The following ABCC9 variants were observed in gnomAD, a reference collection of about 807,000 sequenced individuals.
ABCC9 encodes ATP-binding cassette sub-family C member 9.
ABCC9 carries 95 observed loss-of-function variants against 188.3 expected under a neutral mutation model. The observed-to-expected ratio is 0.50, with a 90% CI of 0.43 to 0.60. The LOEUF (loss-of-function observed/expected upper bound fraction) is 0.60. Ranked by LOEUF, ABCC9 falls within the 20% of genes least tolerant of loss-of-function variation. The pLI is 0.00. For synonymous variants in ABCC9, 659 were observed against 652.7 expected, an observed-to-expected ratio of 1.01 and a Z score of -0.15; for missense variants, 1,102 against 1,876.3, an observed-to-expected ratio of 0.59 and a Z score of 7.62.
intron 4 of ABCC9, among the ~76,000 whole-genome samples, chr12:21,933,468 A>G (rs1949365799): frequency 6.6e-6 from 1 of 152,114 alleles, no homozygotes; most frequent in African/African-American, 2.4e-5. Flanking sequence ...ACTGATTCTC[A>G]GACTCATTCA....
chr12:21,915,446 A>ATACACG (rs1192563364), intron 7 of ABCC9, among the ~76,000 whole-genome samples: 4 of 107,508 alleles, frequency 3.7e-5, no homozygotes, highest in Admixed American at 1.0e-4. Flanking sequence ...ATGTGTATAT[A>ATACACG]TGTATATATG....
In ABCC9 at chr12:21,875,701, C is replaced by T. The variant is rs752106985; in HGVS notation, c.2045G>A (p.Gly682Asp). 3.0e-5 allele frequency: 49 copies of T among 1,612,182 alleles called. No individual in the cohort carries two copies. The highest frequency in any genetic ancestry group is 4.0e-5 in the Non-Finnish European group (47 of 1,178,502). The part of the protein sequence containing the change: ...IKVTNGYFSW[G>D]SGLATLSNID... ...ATTGGATAATGTAGCTAAACCACTG[C>T]CCCATGAAAAGTATCCATTTGTGAC... is the stretch of plus-strand genomic sequence containing the variant. The change falls in exon 17 of 40, where the codon GGC (glycine) becomes GAC (aspartate). Residue 682 changes from glycine (G) to aspartate (D), a missense_variant. Physicochemically the swap from Gly to Asp is moderately conservative, Grantham distance 94. Transcript: ENST00000261200.
At chr12:21,864,543 G>A (rs934715298) in intron 18 of ABCC9, 66 bp from the exon 19 acceptor site, 18 of 1,110,274 alleles carry the variant, frequency 1.6e-5, no homozygotes, top group African/African-American at 1.4e-4. Flanking sequence ...GTGCATACAC[G>A]TCAGGTAAGA....
At chr12:21,851,247 A>G (rs934242576) in intron 24 of ABCC9, among the ~76,000 whole-genome samples, 1 of 152,242 alleles carries the variant, frequency 6.6e-6, no homozygotes, top group East Asian at 1.9e-4. Flanking sequence ...TTAATTTACA[A>G]TTTCACTTGT....
intron 12 of ABCC9, among the ~76,000 whole-genome samples, chr12:21,900,658 C>T (rs151156818): frequency 5.1e-4 from 77 of 152,180 alleles, no homozygotes; most frequent in Middle Eastern, 3.4e-3. Flanking sequence ...AACTACATGA[C>T]GCATGCACAA....
chr12:21,814,592 TTTTAAAGGAAAGCA>T, intron 35 of ABCC9, 38 bp downstream of exon 35: 1 of 1,478,222 alleles, frequency 6.8e-7, no homozygotes, highest in Non-Finnish European at 9.5e-7. Flanking sequence ...ATTGATGTTT[TTTTAAAGGAAAGCA>T]CCAAGTGGCC....
rs1945598565 is a variant in ABCC9, at chr12:21,863,045, C to T, written c.2247G>A (p.Arg749=). 3 of 1,605,598 alleles carry T rather than the reference C, an allele frequency of 1.9e-6. No homozygotes were observed. In the South Asian group the frequency reaches 3.3e-5, roughly 18 times the overall value. ...TTTGAGCTGCATATGCCACAGAGTACCTGTTCCTACTGAAAAATGAAAAAG... is the reference window on the plus strand; with the variant it reads ...TTTGAGCTGCATATGCCACAGAGTATCTGTTCCTACTGAAAAATGAAAAAG... ...PSFEATRSRN[R]YSVAYAAQKP... Residue 749 remains arginine (R), a synonymous_variant, in exon 20 of 40, where the codon AGG becomes AGA. Transcript: ENST00000261200.
chr12:21,861,038 T>C lies in ABCC9; in HGVS notation c.2357A>G (p.Asp786Gly), dbSNP rs753010015. Residue 786 changes from aspartate (D) to glycine (G), a missense_variant, in exon 21 of 40, where the codon GAT becomes GGT. This residue lies in a region of ABCC9 where 258 missense variants were observed against 325.6 expected (regional missense o/e 0.79). Coordinates refer to ENST00000261200, the MANE Select transcript of ABCC9 (RefSeq NM_020297.4). Reference protein sequence around the residue: ...FNKQRYKAVTDACSLQPDIDL... With the variant: ...FNKQRYKAVTGACSLQPDIDL... Reference sequence around the variant, plus strand: ...AATATCTGGCTGAAGAGAACAGGCATCTGTGACAGCTTTGTACCTTTGGGA... The same window carrying C: ...AATATCTGGCTGAAGAGAACAGGCACCTGTGACAGCTTTGTACCTTTGGGA... The C allele has an allele frequency of 2.5e-6, 4 of 1,613,496 alleles. No individual in the cohort carries two copies. The African/African-American group carries it at 5.3e-5, about 22-fold the overall frequency.
rs1216327755 is a variant in ABCC9, at chr12:21,872,637, A to T, written c.2186T>A (p.Val729Asp). 1 of 1,613,194 alleles carries T rather than the reference A, an allele frequency of 6.2e-7. No homozygotes were observed. Among genetic ancestry groups the T allele is most frequent in the Non-Finnish European group, 8.5e-7 (1 of 1,179,218 alleles). ...AAAATATACATACTTGCTCCAGTGA[A>T]CTTTTCCTTCCAATGTCTGCATCTC... is the stretch of plus-strand genomic sequence containing the variant. The part of the protein sequence containing the change: ...LGEMQTLEGK[V>D]HWSNVNESEP... The change falls in exon 18 of 40, where the codon GTT becomes GAT. Residue 729 changes from valine to aspartate, a missense_variant. Physicochemically the swap from Val to Asp is radical, Grantham distance 152. Around this residue, in one of 12 missense-constraint regions of ABCC9, gnomAD observed 258 missense variants for 325.6 expected, o/e 0.79. Transcript: ENST00000261200.
intron 22 of ABCC9, among the ~76,000 whole-genome samples, chr12:21,856,961 A>AG (rs1945258014): frequency 6.6e-6 from 1 of 152,226 alleles, no homozygotes; most frequent in Non-Finnish European, 1.5e-5. Flanking sequence ...ATTTAGCTTG[A>AG]GGATACCATC....
intron 2 of ABCC9, chr12:21,938,166 C>A (rs548295330): frequency 7.9e-4 from 121 of 152,210 alleles, no homozygotes; most frequent in African/African-American, 2.6e-3. Flanking sequence ...TTTTATAAAG[C>A]ATTATATGAA....
In ABCC9 at chr12:21,829,279, G is replaced by A. The variant is rs551108031; in HGVS notation, c.3567-219C>T. Among the ~76,000 whole-genome samples the A allele has an allele frequency of 4.8e-4, 62 of 129,856 alleles. No individual in the cohort carries two copies. The Admixed American group carries it at 5.9e-3, about 12-fold the overall frequency. The allele number at this position is 129,856 out of a possible 152,430, so 85.2% of individuals were successfully genotyped here. A position where few individuals can be genotyped will look rare whatever the true frequency, so the allele number is the denominator to read the frequency against. Reference sequence around the variant, plus strand: ...TGCAGTGGCGCGATCTCGGCTCACTGCAAGCTCCGCCTCCCGGGCTCACAC... The same window carrying A: ...TGCAGTGGCGCGATCTCGGCTCACTACAAGCTCCGCCTCCCGGGCTCACAC... On this transcript the variant is annotated intron_variant, in intron 30 of 39. Coordinates refer to ENST00000261200, the MANE Select transcript of ABCC9 (RefSeq NM_020297.4).
At chr12:21,843,794 C>T (rs1944502957) in intron 28 of ABCC9, among the ~76,000 whole-genome samples, 1 of 152,146 alleles carries the variant, frequency 6.6e-6, no homozygotes, top group South Asian at 2.1e-4. Flanking sequence ...CAAAACTTCT[C>T]ATCATACTCT....
intron 7 of ABCC9, among the ~76,000 whole-genome samples, chr12:21,913,803 T>A (rs1028935957): frequency 1.3e-5 from 2 of 152,076 alleles, no homozygotes; most frequent in Non-Finnish European, 2.9e-5. Flanking sequence ...TAGATAAAGT[T>A]TTTTCATTGT....
chr12:21,846,439 T>A (rs1388370793), intron 25 of ABCC9, among the ~76,000 whole-genome samples: 1 of 152,234 alleles, frequency 6.6e-6, no homozygotes, highest in Non-Finnish European at 1.5e-5. Context: ...CAAAATTTGA[T>A]CATTTCTATG....
At chr12:21,894,306 C>T (rs1947302154) in intron 13 of ABCC9, 132 bp from the exon 14 acceptor site, 2 of 1,047,424 alleles carry the variant, frequency 1.9e-6, no homozygotes, top group Non-Finnish European at 2.9e-6. Context: ...TGACTTCATC[C>T]AAAACTCCCT....
chr12:21,800,955 A>T lies in ABCC9; in HGVS notation c.*89T>A, dbSNP rs566226557. The T allele has an allele frequency of 1.0e-5, 15 of 1,494,828 alleles. No homozygotes were observed. In the African/African-American group the frequency reaches 1.9e-4, roughly 19 times the overall value. 92.6% of individuals were successfully genotyped at this position (1,494,828 alleles called of 1,614,324 possible). On this transcript the variant is annotated 3_prime_UTR_variant, in exon 40 of 40. Coordinates refer to ENST00000261200, the MANE Select transcript of ABCC9 (RefSeq NM_020297.4). Reference sequence around the variant, plus strand: ...TGCAAAAATCTGTAAAAGTTTTAAGATGCCACTTTACAGAGGTCAAGCTGA... The same window carrying T: ...TGCAAAAATCTGTAAAAGTTTTAAGTTGCCACTTTACAGAGGTCAAGCTGA...
intron 4 of ABCC9, among the ~76,000 whole-genome samples, chr12:21,928,838 C>T (rs185356213): frequency 5.9e-5 from 9 of 152,174 alleles, no homozygotes; most frequent in Admixed American, 1.3e-4. Flanking sequence ...TACAAAGCTG[C>T]GTAGGTTTTG....
intron 20 of ABCC9, among the ~76,000 whole-genome samples, chr12:21,862,119 T>A (rs902201245): frequency 5.3e-5 from 8 of 152,076 alleles, no homozygotes; most frequent in Non-Finnish European, 1.2e-4. Context: ...TTCTCAACCA[T>A]CCCTTCTTTT....
Sources: allele counts gnomAD v4.1 joint callset (sites outside exome capture counted in the v4.1 genomes callset), GRCh38; gene constraint gnomAD v4.1.1; regional missense constraint gnomAD v4.1.1; transcripts MANE v1.5; gene names NCBI Gene and HGNC (gene_info 2026-07-23, HGNC 2026-07-21).